Variants in CAND2 observed in about 807,000 individuals in gnomAD.
CAND2 encodes cullin-associated NEDD8-dissociated protein 2.
A neutral mutation model predicts 98.9 loss-of-function variants in CAND2; 62 were observed. The observed-to-expected ratio is 0.63, with a 90% CI of 0.51 to 0.77. The LOEUF is 0.77. Ranked by LOEUF, CAND2 falls within the 30% of genes least tolerant of loss-of-function variation. The probability of loss-of-function intolerance (pLI) is 0.00; values close to 1 mark genes in which losing one functional copy is unlikely to be tolerated. For missense variants in CAND2, 1,501 were observed against 1,655.2 expected (o/e 0.91, Z 1.62); for synonymous variants, 770 against 731.9 (o/e 1.05, Z -0.84).
chr3:12,830,049 C>T (rs999898158), intron 13 of CAND2, among the ~76,000 whole-genome samples: 17 of 152,160 alleles, frequency 1.1e-4, no homozygotes, highest in Admixed American at 2.6e-4. Context: ...GCATCCGATG[C>T]GCGTGGTGAG....
chr3:12,823,448 G>C (rs2061974207), intron 11 of CAND2, among the ~76,000 whole-genome samples: 1 of 151,758 alleles, frequency 6.6e-6, no homozygotes, highest in East Asian at 1.9e-4. Flanking sequence ...CCAGGTGTAG[G>C]CTGGGCGCGG....
intron 2 of CAND2, among the ~76,000 whole-genome samples, chr3:12,806,519 C>T (rs1196633181): frequency 2.6e-5 from 4 of 152,120 alleles, no homozygotes; most frequent in South Asian, 2.1e-4. Flanking sequence ...TTGTCAGCCT[C>T]GACTGCATGT....
At chr3:12,830,142 C>T (rs1325717117) in intron 13 of CAND2, among the ~76,000 whole-genome samples, 2 of 152,138 alleles carry the variant, frequency 1.3e-5, no homozygotes, top group South Asian at 2.1e-4. Context: ...TTCCTGTCTG[C>T]CTGTCTCCCC....
Position 12,815,189 on chromosome 3 carries a change from G to A in CAND2, c.1055G>A (p.Arg352His), listed in dbSNP as rs1178086793. The change falls in exon 8 of 15, where the codon CGC becomes CAC. Residue 352 changes from arginine (R) to histidine (H), a missense_variant. By Grantham distance (29) the Arg-to-His change is conservative (BLOSUM62 0). This residue lies in a region of CAND2 where 1,427 missense variants were observed against 1,545.3 expected (regional missense o/e 0.92). Transcript: ENST00000456430. The surrounding 1 kb of genome is among the most constrained non-coding windows in gnomAD (Gnocchi z 5.7). ...GACGATGACATGAGCTGGAAGGTGC[G>A]CCGGGCAGCTGCCAAGTGCATCGCA... ...SDDDDMSWKVRRAAAKCIAAL... is the reference protein window; with the variant it reads ...SDDDDMSWKVHRAAAKCIAAL... 6.2e-6 allele frequency: 10 copies of A among 1,613,602 alleles called. No individual in the cohort carries two copies. The highest frequency in any genetic ancestry group is 7.6e-6 in the Non-Finnish European group (9 of 1,179,846).
intron 2 of CAND2, among the ~76,000 whole-genome samples, chr3:12,804,385 C>T (rs1022483514): frequency 2.0e-5 from 3 of 152,098 alleles, no homozygotes; most frequent in African/African-American, 7.2e-5. Flanking sequence ...ATCGCTTGAA[C>T]CCAGGAGGCA....
Position 12,833,921 on chromosome 3 carries a change from T to G in CAND2, c.3650T>G (p.Phe1217Cys). The change falls in exon 15 of 15, where the codon TTT (phenylalanine) becomes TGT (cysteine). Residue 1217 changes from phenylalanine to cysteine, a missense_variant. By Grantham distance (205) the Phe-to-Cys change is radical. Around this residue, in one of 3 missense-constraint regions of CAND2, gnomAD observed 1,427 missense variants for 1,545.3 expected, o/e 0.92. Coordinates refer to ENST00000456430, the MANE Select transcript of CAND2 (RefSeq NM_001162499.2). ...TCCAACCCTGAACTTGCTGCCCTCT[T>G]TGAAAGCATCCAGAAGGATTCCGCT... ...IRSNPELAAL[F>C]ESIQKDSASA... The G allele has an allele frequency of 6.2e-7, 1 of 1,614,190 alleles. No homozygotes were observed. The highest frequency in any genetic ancestry group is 8.5e-7 in the Non-Finnish European group (1 of 1,180,022).
In CAND2 at chr3:12,815,679, T is replaced by A. The variant is rs572952488; in HGVS notation, c.1300-188T>A. Reference sequence around the variant, plus strand: ...TACCTGTAAAATGGACGCAGAAAATTTGCCTACTCTCCAAGGGTCTGTGTG... The same window carrying A: ...TACCTGTAAAATGGACGCAGAAAATATGCCTACTCTCCAAGGGTCTGTGTG... On this transcript the variant is annotated intron_variant, in intron 8 of 14. Transcript: ENST00000456430. This position sits in a 1 kb window ranked among gnomAD's most constrained non-coding sequence, Gnocchi z 5.7. Among the ~76,000 whole-genome samples, 5 of 152,118 alleles carry A rather than the reference T, an allele frequency of 3.3e-5. No homozygotes were observed. Among genetic ancestry groups the A allele is most frequent in the Non-Finnish European group, 4.4e-5 (3 of 68,030 alleles).
At chr3:12,804,766 T>C (rs974890506) in intron 2 of CAND2, among the ~76,000 whole-genome samples, 1 of 152,164 alleles carries the variant, frequency 6.6e-6, no homozygotes, top group Non-Finnish European at 1.5e-5. Flanking sequence ...GGTGAGAGAA[T>C]TGGGCACTGT....
intron 11 of CAND2, among the ~76,000 whole-genome samples, chr3:12,822,083 T>A (rs1030408008): frequency 6.6e-6 from 1 of 152,214 alleles, no homozygotes. Context: ...GGTGACTTTC[T>A]AGTTCCATTA....
chr3:12,803,183 T>A (rs143704353), intron 1 of CAND2, among the ~76,000 whole-genome samples: 2 of 152,042 alleles, frequency 1.3e-5, no homozygotes, highest in East Asian at 1.9e-4. Flanking sequence ...TAGTAGAGAC[T>A]GGGTTTCACC....
intron 14 of CAND2, 38 bp from the exon 15 acceptor site, chr3:12,833,717 C>A: frequency 1.3e-6 from 2 of 1,545,070 alleles, no homozygotes; most frequent in Non-Finnish European, 1.8e-6. Context: ...GGGCCAGGCT[C>A]AATAAAGGAT....
chr3:12,804,943 C>G (rs1214523571), intron 2 of CAND2, among the ~76,000 whole-genome samples: 1 of 152,166 alleles, frequency 6.6e-6, no homozygotes, highest in African/African-American at 2.4e-5. Context: ...ATGGAGTAGA[C>G]TTAGGATGGG....
At chr3:12,799,385 C>T (rs533573100) in intron 1 of CAND2, among the ~76,000 whole-genome samples, 1 of 152,250 alleles carries the variant, frequency 6.6e-6, no homozygotes, top group Admixed American at 6.5e-5. Flanking sequence ...CACTTAAAGC[C>T]AAACTTTGGT....
chr3:12,799,498 C>G (rs554306063), intron 1 of CAND2, among the ~76,000 whole-genome samples: 1 of 152,208 alleles, frequency 6.6e-6, no homozygotes, highest in African/African-American at 2.4e-5. Flanking sequence ...GAGCTAGTGT[C>G]TGCAGGAACC....
intron 7 of CAND2, among the ~76,000 whole-genome samples, chr3:12,813,960 G>A (rs1262977116): frequency 6.6e-6 from 1 of 152,230 alleles, no homozygotes; most frequent in African/African-American, 2.4e-5. Flanking sequence ...CTGAAGGCAG[G>A]GCATCGATGG....
intron 4 of CAND2, 146 bp from the exon 5 acceptor site, chr3:12,809,913 C>A: frequency 1.2e-6 from 1 of 836,980 alleles, no homozygotes; most frequent in Non-Finnish European, 1.7e-6. Context: ...AATTCCTCCT[C>A]ACAGTTGCAG....
intron 1 of CAND2, among the ~76,000 whole-genome samples, chr3:12,801,840 G>A (rs566680518): frequency 6.6e-6 from 1 of 152,208 alleles, no homozygotes; most frequent in Non-Finnish European, 1.5e-5. Flanking sequence ...CAGAAACTCT[G>A]GGAATGGGGA....
chr3:12,810,265 C>T lies in CAND2; in HGVS notation c.698C>T (p.Ala233Val). Residue 233 changes from alanine to valine, a missense_variant, in exon 5 of 15, where the codon GCC becomes GTC. By Grantham distance (64) the Ala-to-Val change is moderately conservative. Around this residue, in one of 3 missense-constraint regions of CAND2, gnomAD observed 1,427 missense variants for 1,545.3 expected, o/e 0.92. Coordinates refer to ENST00000456430, the MANE Select transcript of CAND2 (RefSeq NM_001162499.2). The stretch of plus-strand genomic sequence containing the variant: ...CCGCGGGTGCCCACCAGCCCGACTG[C>T]CATCCGCACCCTGATCCAATGTTTG... Reference protein sequence around the residue: ...PGPRVPTSPTAIRTLIQCLGS... With the variant: ...PGPRVPTSPTVIRTLIQCLGS... 1 of 1,508,774 alleles carries T rather than the reference C, an allele frequency of 6.6e-7. No homozygotes were observed. The highest frequency in any genetic ancestry group is 8.8e-7 in the Non-Finnish European group (1 of 1,130,442). The allele number at this position is 1,508,774 out of a possible 1,614,324, so 93.5% of individuals were successfully genotyped here.
At chr3:12,808,117 C>G in intron 3 of CAND2, 93 bp from the exon 4 acceptor site, 2 of 1,478,214 alleles carry the variant, frequency 1.4e-6, no homozygotes, top group South Asian at 2.5e-5. Context: ...GATGTGGGCT[C>G]AGGAACACAG....
Sources: gnomAD v4.1 joint callset for allele counts (sites outside exome capture counted in the v4.1 genomes callset) on GRCh38, gnomAD v4.1.1 for gene constraint, gnomAD v4.1.1 regional missense constraint, Gnocchi (gnomAD v3.1) non-coding constraint, MANE v1.5 for transcripts, NCBI Gene and HGNC (gene_info 2026-07-23, HGNC 2026-07-21) for gene names.